Variants in CLNK observed in about 807,000 individuals in gnomAD.
The protein encoded by CLNK is cytokine dependent hematopoietic cell linker.
CLNK carries 74 observed loss-of-function variants against 68.6 expected under a neutral mutation model. The ratio of observed to expected loss-of-function variants is 1.08; its 90% confidence interval spans 0.89 to 1.31. CLNK has a LOEUF of 1.31. Among genes scored for constraint, CLNK ranks in the 50% most tolerant of loss-of-function variants. CLNK has a pLI of 0.00. For missense variants in CLNK, 553 were observed against 515.3 expected (o/e 1.07, Z -0.71); for synonymous variants, 198 against 172.2 (o/e 1.15, Z -1.17).
chr4:10,578,044 A>C (rs1720636727), intron 4 of CLNK, among the ~76,000 whole-genome samples: 2 of 152,196 alleles, frequency 1.3e-5, no homozygotes, highest in South Asian at 4.1e-4. Context: ...ACTAGGGTTA[A>C]CTTGTAGAAT....
intron 18 of CLNK, among the ~76,000 whole-genome samples, chr4:10,500,145 C>G (rs1716979733): frequency 6.6e-6 from 1 of 152,110 alleles, no homozygotes; most frequent in Admixed American, 6.6e-5. Flanking sequence ...AAATTGAAGC[C>G]CAGAGAAGTT....
chr4:10,594,410 C>T (rs1432885079), intron 3 of CLNK, among the ~76,000 whole-genome samples: 6 of 152,246 alleles, frequency 3.9e-5, no homozygotes, highest in Admixed American at 2.0e-4. Context: ...ACCATGCTTC[C>T]ATCCGAGGTT....
chr4:10,516,905 G>T (rs1717864194), intron 15 of CLNK, among the ~76,000 whole-genome samples: 1 of 152,130 alleles, frequency 6.6e-6, no homozygotes, highest in Admixed American at 6.6e-5. Flanking sequence ...GGGCTTATTT[G>T]TATCAAAATA....
At chr4:10,593,728 C>T (rs1721276120) in intron 3 of CLNK, among the ~76,000 whole-genome samples, 2 of 152,216 alleles carry the variant, frequency 1.3e-5, no homozygotes, top group Admixed American at 1.3e-4. Context: ...GACTGGGCCT[C>T]ATGGGCCCTG....
At chr4:10,731,477 C>A in the CLNK span, among the ~76,000 whole-genome samples, 10 of 152,238 alleles carry the variant, frequency 6.6e-5, no homozygotes, top group African/African-American at 2.4e-4. Flanking sequence ...AATTCTCAGG[C>A]TTTTTCTATA....
At chr4:10,633,073 G>A (rs975398202) in intron 2 of CLNK, among the ~76,000 whole-genome samples, 6 of 152,136 alleles carry the variant, frequency 3.9e-5, no homozygotes, top group African/African-American at 1.4e-4. Context: ...GAGTATCTGG[G>A]ATTACAGGCA....
At chr4:10,701,832 C>T in the CLNK span, among the ~76,000 whole-genome samples, 1 of 152,168 alleles carries the variant, frequency 6.6e-6, no homozygotes, top group East Asian at 1.9e-4. Context: ...AGACAGACTC[C>T]AGAGTTCATA....
At chr4:10,593,404 C>G (rs1347900695) in intron 3 of CLNK, among the ~76,000 whole-genome samples, 1 of 152,036 alleles carries the variant, frequency 6.6e-6, no homozygotes. Flanking sequence ...CCTGTCATCC[C>G]AGGTCTTTGG....
chr4:10,700,994 C>T, the CLNK span, among the ~76,000 whole-genome samples: 6,014 of 152,192 alleles, frequency 0.04, 401 homozygotes, highest in African/African-American at 0.14. Flanking sequence ...GCTGGAAAAT[C>T]GTGATCACCG....
chr4:10,676,073 GTGTGTC>G (rs1724863023), intron 1 of CLNK, among the ~76,000 whole-genome samples: 1 of 139,076 alleles, frequency 7.2e-6, no homozygotes, highest in Admixed American at 7.1e-5. Flanking sequence ...GTGTGTGTGT[GTGTGTC>G]TATGTGTGTG....
intron 2 of CLNK, among the ~76,000 whole-genome samples, chr4:10,654,058 T>C (rs529264585): frequency 3.2e-4 from 47 of 144,616 alleles, no homozygotes; most frequent in African/African-American, 1.0e-3. Flanking sequence ...TAGTCTCTTG[T>C]CCAGAATGGA....
chr4:10,681,915 T>C (rs1577218647), intron 1 of CLNK, among the ~76,000 whole-genome samples: 1 of 152,200 alleles, frequency 6.6e-6, no homozygotes, highest in East Asian at 1.9e-4. Context: ...GTACACCTAC[T>C]TAAAAAGTGA....
At chr4:10,689,257 C>T (rs189197319), upstream of CLNK, among the ~76,000 whole-genome samples, 437 of 152,056 alleles carry the variant, frequency 2.9e-3, 2 homozygotes, top group Non-Finnish European at 5.0e-3. Flanking sequence ...GCATCAGCCT[C>T]CTGAGTAGTT....
intron 12 of CLNK, among the ~76,000 whole-genome samples, chr4:10,529,640 C>T (rs1207122614): frequency 2.3e-4 from 35 of 152,138 alleles, no homozygotes; most frequent in Non-Finnish European, 4.4e-5. Context: ...TGAATCCATT[C>T]TAGTGGGTGG....
the CLNK span, among the ~76,000 whole-genome samples, chr4:10,709,997 T>C: frequency 1.3e-5 from 2 of 152,328 alleles, no homozygotes; most frequent in East Asian, 1.9e-4. Flanking sequence ...AGCTCAACAA[T>C]TGCTTACTGT....
chr4:10,570,386 T>C (rs1338370083), intron 5 of CLNK, among the ~76,000 whole-genome samples: 1 of 152,188 alleles, frequency 6.6e-6, no homozygotes, highest in African/African-American at 2.4e-5. Flanking sequence ...TTTGGTGTAC[T>C]TCTTTAGAGA....
At chr4:10,550,978 G>A (rs1289224801) in intron 8 of CLNK, among the ~76,000 whole-genome samples, 1 of 152,174 alleles carries the variant, frequency 6.6e-6, no homozygotes, top group Non-Finnish European at 1.5e-5. Context: ...GCAATTAACC[G>A]GTGGATAATG....
chr4:10,692,105 A>T, the CLNK span: 1 of 152,076 alleles, frequency 6.6e-6, no homozygotes, highest in Non-Finnish European at 1.5e-5. Context: ...CCTCTCTTTA[A>T]GGCAAGTAGA....
chr4:10,523,868 T>C, intron 14 of CLNK: 2 of 307,086 alleles, frequency 6.5e-6, no homozygotes, highest in Middle Eastern at 5.3e-4. Flanking sequence ...CTACAAAGAG[T>C]ACAAAAATTA....
Sources: allele counts gnomAD v4.1 joint callset (sites outside exome capture counted in the v4.1 genomes callset), GRCh38; gene constraint gnomAD v4.1.1; transcripts MANE v1.5; gene names NCBI Gene and HGNC (gene_info 2026-07-23, HGNC 2026-07-21).